Variants in RNF180 observed in about 807,000 individuals in gnomAD.
The protein encoded by RNF180 is E3 ubiquitin-protein ligase RNF180.
In RNF180, 38 loss-of-function variants were observed where a neutral mutation model predicts 59.2. The ratio of observed to expected loss-of-function variants is 0.64; its 90% confidence interval spans 0.50 to 0.84. The LOEUF is 0.84. RNF180 is among the 40% of genes least tolerant of loss of function. The pLI, the probability that RNF180 is intolerant of heterozygous loss-of-function variation, is 0.00. For missense variants in RNF180, 705 were observed against 700.9 expected (o/e 1.01, Z -0.07); for synonymous variants, 262 against 240.3 (o/e 1.09, Z -0.84).
intron 2 of RNF180, among the ~76,000 whole-genome samples, chr5:64,207,878 G>T (rs1369958323): frequency 6.6e-6 from 1 of 151,972 alleles, no homozygotes; most frequent in Non-Finnish European, 1.5e-5. Context: ...TTTCCCTGTG[G>T]TGTTAGCTGC....
intron 7 of RNF180, among the ~76,000 whole-genome samples, chr5:64,346,601 C>T (rs1267715419): frequency 1.3e-5 from 2 of 151,896 alleles, no homozygotes; most frequent in Non-Finnish European, 2.9e-5. Flanking sequence ...ACGTCCTGAC[C>T]TCAAGTGATC....
chr5:64,252,415 C>T (rs920454474), intron 5 of RNF180, among the ~76,000 whole-genome samples: 2 of 152,110 alleles, frequency 1.3e-5, no homozygotes, highest in South Asian at 2.1e-4. Context: ...TGAAAAATGT[C>T]AGGAGAGTGG....
At chr5:64,230,263 C>G (rs1742021764) in intron 5 of RNF180, among the ~76,000 whole-genome samples, 1 of 152,206 alleles carries the variant, frequency 6.6e-6, no homozygotes, top group African/African-American at 2.4e-5. Flanking sequence ...CAAATTACCA[C>G]AAATTAAGTT....
intron 5 of RNF180, among the ~76,000 whole-genome samples, chr5:64,266,250 T>G (rs1744671994): frequency 6.6e-6 from 1 of 152,008 alleles, no homozygotes; most frequent in Admixed American, 6.6e-5. Flanking sequence ...AGGGCAATCT[T>G]AATATGTGTC....
upstream of RNF180, among the ~76,000 whole-genome samples, chr5:64,165,620 C>G (rs184340008): frequency 3.4e-3 from 518 of 152,314 alleles, 6 homozygotes; most frequent in African/African-American, 0.012. Flanking sequence ...AAAACTTTCC[C>G]ACGGTTCCGT....
At chr5:64,317,617 C>T (rs201800557) in intron 5 of RNF180, among the ~76,000 whole-genome samples, 21 of 111,028 alleles carry the variant, frequency 1.9e-4, no homozygotes, top group South Asian at 3.0e-4. Flanking sequence ...CACACACACA[C>T]ATATATACAC....
At chr5:64,205,428 A>G (rs1381926766) in intron 2 of RNF180, among the ~76,000 whole-genome samples, 1 of 152,196 alleles carries the variant, frequency 6.6e-6, no homozygotes, top group African/African-American at 2.4e-5. Context: ...CAAAAACAAA[A>G]TAACAGCAAC....
intron 5 of RNF180, among the ~76,000 whole-genome samples, chr5:64,300,198 A>T (rs1161802894): frequency 6.6e-6 from 1 of 151,816 alleles, no homozygotes; most frequent in African/African-American, 2.4e-5. Context: ...AAGAAAAAAA[A>T]ATTGTATTGC....
chr5:64,300,595 T>C (rs1315892655), intron 5 of RNF180, among the ~76,000 whole-genome samples: 1 of 151,752 alleles, frequency 6.6e-6, no homozygotes, highest in Non-Finnish European at 1.5e-5. Context: ...TTGAATGTAT[T>C]CCCCTCAGAT....
chr5:64,192,260 A>G (rs1479735910), intron 1 of RNF180, among the ~76,000 whole-genome samples: 2 of 151,996 alleles, frequency 1.3e-5, no homozygotes, highest in African/African-American at 4.8e-5. Flanking sequence ...CAGAATTACA[A>G]TGAAATATTG....
chr5:64,233,160 A>G (rs1742199484), intron 5 of RNF180, among the ~76,000 whole-genome samples: 1 of 152,234 alleles, frequency 6.6e-6, no homozygotes, highest in Admixed American at 6.5e-5. Flanking sequence ...AATGGAATGT[A>G]AAATATATTA....
chr5:64,245,181 C>A (rs891229095), intron 5 of RNF180, among the ~76,000 whole-genome samples: 18 of 152,180 alleles, frequency 1.2e-4, no homozygotes, highest in African/African-American at 4.3e-4. Flanking sequence ...ACTGCAACAA[C>A]TAATGACACT....
intron 7 of RNF180, among the ~76,000 whole-genome samples, chr5:64,331,842 G>A (rs949892388): frequency 2.0e-5 from 3 of 152,292 alleles, no homozygotes; most frequent in Non-Finnish European, 4.4e-5. Context: ...AGCCAGGGCT[G>A]TGACACCCTC....
At chr5:64,356,717 T>G (rs1746042705) in intron 7 of RNF180, among the ~76,000 whole-genome samples, 1 of 151,844 alleles carries the variant, frequency 6.6e-6, no homozygotes, top group Non-Finnish European at 1.5e-5. Context: ...GGATGAACCT[T>G]GAAGACATTA....
At chr5:64,243,157 G>T (rs1444694889) in intron 5 of RNF180, among the ~76,000 whole-genome samples, 2 of 152,174 alleles carry the variant, frequency 1.3e-5, no homozygotes, top group African/African-American at 4.8e-5. Flanking sequence ...ACAAAACTGG[G>T]TGGCCATTTG....
intron 1 of RNF180, among the ~76,000 whole-genome samples, chr5:64,199,946 G>A (rs1260785396): frequency 6.6e-6 from 1 of 152,142 alleles, no homozygotes; most frequent in Admixed American, 6.5e-5. Context: ...ATAGTTAACT[G>A]TTCCAATAAG....
At chr5:64,323,948 G>GTTTT (rs1744498407) in intron 5 of RNF180, among the ~76,000 whole-genome samples, 1 of 152,100 alleles carries the variant, frequency 6.6e-6, no homozygotes, top group Non-Finnish European at 1.5e-5. Flanking sequence ...GAACCTACTG[G>GTTTT]TGATGTTTTA....
chr5:64,294,634 C>T (rs1742791850), intron 5 of RNF180, among the ~76,000 whole-genome samples: 2 of 152,068 alleles, frequency 1.3e-5, no homozygotes, highest in Admixed American at 1.3e-4. Context: ...CAATTTAGAT[C>T]CTCTCCCTCT....
chr5:64,352,599 G>T (rs1193918464), intron 7 of RNF180, among the ~76,000 whole-genome samples: 1 of 151,946 alleles, frequency 6.6e-6, no homozygotes, highest in Non-Finnish European at 1.5e-5. Context: ...CTGGTATGTT[G>T]TGTCTTTGTT....
Sources: gnomAD v4.1 joint callset for allele counts (sites outside exome capture counted in the v4.1 genomes callset) on GRCh38, gnomAD v4.1.1 for gene constraint, MANE v1.5 for transcripts, NCBI Gene and HGNC (gene_info 2026-07-23, HGNC 2026-07-21) for gene names.